CCDC138: variants seen among roughly 807,000 people sequenced by gnomAD.
The protein encoded by CCDC138 is coiled-coil domain-containing protein 138.
A neutral mutation model predicts 82.3 loss-of-function variants in CCDC138; 66 were observed. That is an observed-to-expected ratio of 0.80 (90% CI 0.66 to 0.98). The LOEUF is 0.98. Ranked by LOEUF, CCDC138 falls within the 50% of genes least tolerant of loss-of-function variation. The pLI, the probability that CCDC138 is intolerant of heterozygous loss-of-function variation, is 0.00. For missense variants in CCDC138, 816 were observed against 758.9 expected, an observed-to-expected ratio of 1.08 and a Z score of -0.88; for synonymous variants, 297 against 265.4, an observed-to-expected ratio of 1.12 and a Z score of -1.16.
At chr2:108,798,753 A>G (rs1487010527) in intron 6 of CCDC138, among the ~76,000 whole-genome samples, 167 bp downstream of exon 6, 1 of 121,128 alleles carries the variant, frequency 8.3e-6, no homozygotes, top group Admixed American at 9.0e-5. Context: ...TTTCTGATCC[A>G]TTTGAAAGCA....
intron 10 of CCDC138, among the ~76,000 whole-genome samples, chr2:108,827,700 C>T (rs1036275806): frequency 2.0e-5 from 3 of 151,754 alleles, no homozygotes; most frequent in African/African-American, 7.3e-5. Flanking sequence ...CTTGTAGTCC[C>T]AGCTACTCGG....
Position 108,852,770 on chromosome 2 carries a change from G to A in CCDC138, c.1517-4024G>A, listed in dbSNP as rs1307387907. On this transcript the variant is annotated intron_variant, in intron 12 of 14. Coordinates refer to ENST00000295124, the MANE Select transcript of CCDC138 (RefSeq NM_144978.3). ...TATCAGAGGGTGGGAGGAGGGACAG[G>A]ATCAGGAAAAATAACTAATGGGTAC... is the stretch of plus-strand genomic sequence containing the variant. Among the ~76,000 whole-genome samples the A allele has an allele frequency of 2.0e-5, 3 of 152,108 alleles. No homozygotes were observed. In the East Asian group the frequency reaches 5.8e-4, roughly 29 times the overall value.
At chr2:108,879,430 T>C (rs1488752411), downstream of CCDC138, among the ~76,000 whole-genome samples, 1 of 152,218 alleles carries the variant, frequency 6.6e-6, no homozygotes, top group African/African-American at 2.4e-5. Flanking sequence ...TTTTATGCAG[T>C]TAGCATGAAT....
chr2:108,853,920 AT>A (rs1692039682), intron 12 of CCDC138, among the ~76,000 whole-genome samples: 16 of 122,872 alleles, frequency 1.3e-4, no homozygotes, highest in African/African-American at 4.9e-4. Context: ...TATAGTATAT[AT>A]ATTATATATA....
At chr2:108,833,971 C>T (rs1445156726) in intron 10 of CCDC138, among the ~76,000 whole-genome samples, 6 of 132,444 alleles carry the variant, frequency 4.5e-5, no homozygotes, top group Admixed American at 3.6e-4. Flanking sequence ...TGGTCTCTAT[C>T]TCCTGATCTC....
intron 13 of CCDC138, among the ~76,000 whole-genome samples, chr2:108,871,322 C>G (rs1047690601): frequency 2.9e-5 from 4 of 137,388 alleles, no homozygotes; most frequent in Admixed American, 8.1e-5. Flanking sequence ...CTCTTGAGGT[C>G]AGGAGTTCAA....
chr2:108,799,979 A>G (rs958288896), intron 6 of CCDC138, among the ~76,000 whole-genome samples: 1 of 152,094 alleles, frequency 6.6e-6, no homozygotes, highest in Non-Finnish European at 1.5e-5. Flanking sequence ...TGTTTTTCTC[A>G]TAAGCATTTC....
chr2:108,831,429 T>C (rs1175537045), intron 10 of CCDC138, among the ~76,000 whole-genome samples: 1 of 152,182 alleles, frequency 6.6e-6, no homozygotes, highest in African/African-American at 2.4e-5. Context: ...TACTTTTTTA[T>C]TATGTTTGGA....
intron 11 of CCDC138, among the ~76,000 whole-genome samples, chr2:108,842,165 T>A (rs1689601529): frequency 6.6e-6 from 1 of 151,792 alleles, no homozygotes; most frequent in African/African-American, 2.4e-5. Flanking sequence ...GTAGCTAGGA[T>A]TACAGACGTT....
intron 13 of CCDC138, among the ~76,000 whole-genome samples, chr2:108,870,585 AAG>A (rs1695077317): frequency 6.6e-6 from 1 of 152,240 alleles, no homozygotes; most frequent in Non-Finnish European, 1.5e-5. Flanking sequence ...GTAAAAGACA[AAG>A]AGTATCTGCA....
At chr2:108,792,956 C>T (rs764675924) in intron 4 of CCDC138, among the ~76,000 whole-genome samples, 6 of 151,270 alleles carry the variant, frequency 4.0e-5, no homozygotes, top group Admixed American at 6.6e-5. Context: ...CCCAGTTACT[C>T]GGGAGGCTGA....
downstream of CCDC138, among the ~76,000 whole-genome samples, chr2:108,879,490 CAA>C (rs1172930599): frequency 2.6e-5 from 4 of 152,020 alleles, no homozygotes; most frequent in Non-Finnish European, 1.5e-5. Context: ...TTAAAAGTCT[CAA>C]AGAATTATGG....
downstream of CCDC138, among the ~76,000 whole-genome samples, chr2:108,880,876 C>T (rs1696271194): frequency 6.6e-6 from 1 of 152,200 alleles, no homozygotes; most frequent in African/African-American, 2.4e-5. Flanking sequence ...CATTCTGCAG[C>T]CTGTGAACCA....
chr2:108,854,348 G>A (rs977224997), intron 12 of CCDC138, among the ~76,000 whole-genome samples: 4 of 151,610 alleles, frequency 2.6e-5, no homozygotes, highest in Admixed American at 1.3e-4. Context: ...ACTAAGGTTT[G>A]AATCTTAGCT....
chr2:108,851,219 C>T (rs1444289104), intron 12 of CCDC138, among the ~76,000 whole-genome samples: 1 of 152,172 alleles, frequency 6.6e-6, no homozygotes, highest in African/African-American at 2.4e-5. Flanking sequence ...CTCCCTGGAG[C>T]ACCACGCTCC....
At chr2:108,821,834 A>C (rs1381325588) in intron 10 of CCDC138, among the ~76,000 whole-genome samples, 1 of 150,090 alleles carries the variant, frequency 6.7e-6, no homozygotes, top group Non-Finnish European at 1.5e-5. Flanking sequence ...AATCCCAGCT[A>C]CTCCAGAGGC....
At chr2:108,790,656 G>A (rs113822570) in intron 3 of CCDC138, among the ~76,000 whole-genome samples, 161 of 152,296 alleles carry the variant, frequency 1.1e-3, no homozygotes, top group African/African-American at 3.6e-3. Flanking sequence ...AGCCGAGATC[G>A]CGCCACTGCA....
intron 14 of CCDC138, among the ~76,000 whole-genome samples, chr2:108,874,222 T>C (rs1695692648): frequency 6.6e-6 from 1 of 152,122 alleles, no homozygotes; most frequent in African/African-American, 2.4e-5. Context: ...ATTTAGGGAA[T>C]GAGAATGAAG....
chr2:108,796,364 A>G (rs575541877), intron 5 of CCDC138, among the ~76,000 whole-genome samples: 8 of 152,270 alleles, frequency 5.3e-5, no homozygotes, highest in African/African-American at 9.6e-5. Flanking sequence ...AAATCAGTCT[A>G]TAGTTTAATC....
Sources: gnomAD v4.1 joint callset for allele counts (sites outside exome capture counted in the v4.1 genomes callset) on GRCh38, gnomAD v4.1.1 for gene constraint, MANE v1.5 for transcripts, NCBI Gene and HGNC (gene_info 2026-07-23, HGNC 2026-07-21) for gene names.